CA10: variants seen among roughly 807,000 people sequenced by gnomAD.
CA10 encodes carbonic anhydrase 10 (inactive).
A neutral mutation model predicts 44.2 loss-of-function variants in CA10; 14 were observed. The observed-to-expected ratio is 0.32, with a 90% CI of 0.21 to 0.50. CA10 has a LOEUF of 0.50. CA10 is among the 20% of genes least tolerant of loss of function. CA10 has a pLI of 0.99. For missense variants in CA10, 350 were observed against 409.7 expected (o/e 0.85, Z 1.26); for synonymous variants, 159 against 141.6 (o/e 1.12, Z -0.87).
chr17:51,768,697 C>T, intron 3 of CA10, among the ~76,000 whole-genome samples: 1 of 152,204 alleles, frequency 6.6e-6, no homozygotes, highest in Non-Finnish European at 1.5e-5. Flanking sequence ...GCTGCTTTAA[C>T]TTTATAGAAA....
intron 3 of CA10, among the ~76,000 whole-genome samples, chr17:51,806,023 G>A (rs763270948): frequency 6.6e-6 from 1 of 152,220 alleles, no homozygotes; most frequent in African/African-American, 2.4e-5. Flanking sequence ...TGGCCCAGGA[G>A]CAGAAAGGAG....
intron 4 of CA10, among the ~76,000 whole-genome samples, chr17:51,677,892 C>CG (rs1378881047): frequency 2.1e-5 from 3 of 143,774 alleles, no homozygotes; most frequent in South Asian, 4.3e-4. Context: ...TACACCCCCC[C>CG]CCCCACCGGC....
chr17:51,732,027 T>C (rs758410883), intron 4 of CA10, among the ~76,000 whole-genome samples: 1 of 121,024 alleles, frequency 8.3e-6, no homozygotes, highest in African/African-American at 2.6e-5. Flanking sequence ...TTGACATCAT[T>C]ATTATTATTA....
chr17:52,022,202 C>T (rs1340964150), intron 2 of CA10, among the ~76,000 whole-genome samples: 7 of 151,952 alleles, frequency 4.6e-5, no homozygotes, highest in Non-Finnish European at 1.0e-4. Flanking sequence ...TATGAAAATC[C>T]TCAACAAATA....
intron 3 of CA10, among the ~76,000 whole-genome samples, chr17:51,765,395 C>T (rs569716159): frequency 6.6e-6 from 1 of 152,236 alleles, no homozygotes; most frequent in East Asian, 1.9e-4. Context: ...CAATTCAATA[C>T]AGCACAGTTC....
intron 2 of CA10, among the ~76,000 whole-genome samples, chr17:51,967,560 C>A (rs1343400446): frequency 1.3e-5 from 2 of 151,652 alleles, no homozygotes; most frequent in Non-Finnish European, 3.0e-5. Context: ...CACCTGGAGG[C>A]CATTATCCTG....
intron 4 of CA10, among the ~76,000 whole-genome samples, chr17:51,706,170 A>T (rs1305236008): frequency 6.6e-6 from 1 of 152,154 alleles, no homozygotes; most frequent in Middle Eastern, 3.2e-3. Flanking sequence ...GGAAGAAGAA[A>T]CGGAGGATGT....
rs542145534 is a variant in CA10 at position 51,729,968 on chromosome 17, T to G, written c.465+17665A>C. Among the ~76,000 whole-genome samples, 3 of 152,312 alleles carry G rather than the reference T, an allele frequency of 2.0e-5. No homozygotes were observed. The South Asian group carries it at 6.2e-4, about 32-fold the overall frequency. On this transcript the variant is annotated intron_variant, in intron 4 of 8. Coordinates refer to ENST00000451037, the MANE Select transcript of CA10 (RefSeq NM_020178.5). The stretch of plus-strand genomic sequence containing the variant: ...ACCACAATAATTCTCATTTTACAGA[T>G]GAGTAAACTGAGGCAGGGAGTGGTA...
At chr17:51,855,386 AAAGT>A in intron 3 of CA10, among the ~76,000 whole-genome samples, 1 of 152,208 alleles carries the variant, frequency 6.6e-6, no homozygotes, top group Non-Finnish European at 1.5e-5. Flanking sequence ...TTTAAGAAAT[AAAGT>A]TGAGAATTAA....
intron 2 of CA10, among the ~76,000 whole-genome samples, chr17:52,037,972 A>T (rs1349299051): frequency 6.6e-6 from 1 of 151,130 alleles, no homozygotes; most frequent in East Asian, 1.9e-4. Context: ...CACTCCTTTT[A>T]TTTACCTCCT....
intron 1 of CA10, among the ~76,000 whole-genome samples, chr17:52,117,336 T>A (rs190310316): frequency 6.6e-6 from 1 of 152,284 alleles, no homozygotes; most frequent in Non-Finnish European, 1.5e-5. Context: ...AGCGGATAAA[T>A]CCCTCTCAAA....
chr17:52,040,514 C>T (rs1414069108), intron 2 of CA10, among the ~76,000 whole-genome samples: 1 of 151,994 alleles, frequency 6.6e-6, no homozygotes, highest in East Asian at 2.0e-4. Context: ...ACCCTCATGC[C>T]TTAAACAATT....
At chr17:52,080,711 T>A (rs1191580030) in intron 1 of CA10, among the ~76,000 whole-genome samples, 1 of 152,062 alleles carries the variant, frequency 6.6e-6, no homozygotes, top group Non-Finnish European at 1.5e-5. Context: ...CTCCACACCT[T>A]CACTCTGCCC....
At chr17:51,784,487 A>G (rs753069665) in intron 3 of CA10, among the ~76,000 whole-genome samples, 3 of 152,230 alleles carry the variant, frequency 2.0e-5, no homozygotes, top group Non-Finnish European at 4.4e-5. Flanking sequence ...TTTTTTATCC[A>G]CTAACCGACC....
intron 2 of CA10, among the ~76,000 whole-genome samples, chr17:51,992,487 A>G (rs770326802): frequency 3.5e-4 from 54 of 152,140 alleles, no homozygotes; most frequent in Non-Finnish European, 6.8e-4. Context: ...AAAACTTGTA[A>G]AGTAAATACA....
chr17:52,060,412 T>C (rs764536704), intron 2 of CA10, among the ~76,000 whole-genome samples: 4 of 152,096 alleles, frequency 2.6e-5, no homozygotes, highest in Non-Finnish European at 4.4e-5. Flanking sequence ...TAAAAAAAAA[T>C]CTGGAGTTTA....
intron 2 of CA10, among the ~76,000 whole-genome samples, chr17:51,932,170 GA>G (rs1192178741): frequency 6.6e-6 from 1 of 152,018 alleles, no homozygotes; most frequent in Non-Finnish European, 1.5e-5. Flanking sequence ...GTGTGAGGTC[GA>G]GTATGTTATG....
intron 2 of CA10, among the ~76,000 whole-genome samples, chr17:52,066,139 G>T (rs1404651358): frequency 6.6e-6 from 1 of 152,152 alleles, no homozygotes; most frequent in Non-Finnish European, 1.5e-5. Context: ...TATGAAAACG[G>T]ACTAATAGAG....
At chr17:52,110,678 T>C (rs1250868405) in intron 1 of CA10, among the ~76,000 whole-genome samples, 1 of 152,172 alleles carries the variant, frequency 6.6e-6, no homozygotes, top group African/African-American at 2.4e-5. Context: ...CAGGGAGGTC[T>C]GAAGCATAAA....
Sources: gnomAD v4.1 joint callset for allele counts (sites outside exome capture counted in the v4.1 genomes callset) on GRCh38, gnomAD v4.1.1 for gene constraint, MANE v1.5 for transcripts, NCBI Gene and HGNC (gene_info 2026-07-23, HGNC 2026-07-21) for gene names.